OPRM1: variants seen among roughly 807,000 people sequenced by gnomAD.
OPRM1 encodes the protein opioid receptor mu 1, also known as mu-type opioid receptor.
A neutral mutation model predicts 31.8 loss-of-function variants in OPRM1; 27 were observed. That is an observed-to-expected ratio of 0.85 (90% CI 0.63 to 1.17). The LOEUF is 1.17. OPRM1 is among the 50% of genes most tolerant of loss of function. The pLI, the probability that OPRM1 is intolerant of heterozygous loss-of-function variation, is 0.00. For missense variants in OPRM1, 536 were observed against 511.1 expected (o/e 1.05, Z -0.47); for synonymous variants, 196 against 189.9 (o/e 1.03, Z -0.26).
Position 154,068,728 on chromosome 6 carries a change from G to C in OPRM1, c.291-21098G>C, listed in dbSNP as rs140737519. Among the ~76,000 whole-genome samples, 457 of 152,298 alleles carry C rather than the reference G, an allele frequency of 3.0e-3. 4 individuals carry two copies. The highest frequency in any genetic ancestry group is 0.01 in the African/African-American group (425 of 41,562). On this transcript the variant is annotated intron_variant, in intron 1 of 3. Coordinates refer to ENST00000330432, the MANE Select transcript of OPRM1 (RefSeq NM_000914.5). Reference sequence around the variant, plus strand: ...TCCCTTTGGATATATATACCTAGTAGTGAGATTGCTAGATCATATGTTAGT... The same window carrying C: ...TCCCTTTGGATATATATACCTAGTACTGAGATTGCTAGATCATATGTTAGT...
intron 3 of OPRM1, among the ~76,000 whole-genome samples, chr6:154,215,140 T>C (rs1256544591): frequency 2.0e-5 from 3 of 152,164 alleles, no homozygotes; most frequent in South Asian, 2.1e-4. Context: ...TTTGATGTCT[T>C]CCAGTCTCCC....
At chr6:154,214,610 T>C (rs1165642458) in intron 3 of OPRM1, among the ~76,000 whole-genome samples, 1 of 152,244 alleles carries the variant, frequency 6.6e-6, no homozygotes, top group Admixed American at 6.5e-5. Flanking sequence ...CCTTTATCAC[T>C]GGATTTAGTA....
Position 154,115,258 on chromosome 6 carries a change from A to C in OPRM1, c.1165-3425A>C, listed in dbSNP as rs111479099. Among the ~76,000 whole-genome samples, 1,004 of 152,268 alleles carry C rather than the reference A, an allele frequency of 6.6e-3. 6 individuals are homozygous for C. Among genetic ancestry groups the C allele is most frequent in the African/African-American group, 0.023 (959 of 41,580 alleles). Reference sequence around the variant, plus strand: ...GAGCATGGATATCAAAAAGAGACATAAGGCGGCGCAGTGGCTCAAGCTTGT... The same window carrying C: ...GAGCATGGATATCAAAAAGAGACATCAGGCGGCGCAGTGGCTCAAGCTTGT... On this transcript the variant is annotated intron_variant, in intron 3 of 3. Transcript: ENST00000330432.
In OPRM1 at chr6:154,062,235, T is replaced by G. The variant is rs114493174; in HGVS notation, c.290+22401T>G. ...AGAACATTTCAGAAGTAGTAGATGA[T>G]CCTGAAAAGTAATAAAGTATTGCAT... On this transcript the variant is annotated intron_variant, in intron 1 of 3. Transcript: ENST00000330432. 7.3e-3 allele frequency among the ~76,000 whole-genome samples: 1,116 copies of G among 152,240 alleles called. 19 individuals are homozygous for G. The highest frequency in any genetic ancestry group is 0.026 in the African/African-American group (1,065 of 41,542).
At chr6:154,152,131 C>T (rs1309492779) in intron 3 of OPRM1, among the ~76,000 whole-genome samples, 5 of 138,538 alleles carry the variant, frequency 3.6e-5, no homozygotes, top group African/African-American at 1.1e-4. Flanking sequence ...GAGCCAAGAT[C>T]GCGCCACTGC....
At chr6:154,037,142 A>G (rs1326471715), upstream of OPRM1, among the ~76,000 whole-genome samples, 3 of 152,044 alleles carry the variant, frequency 2.0e-5, no homozygotes, top group Non-Finnish European at 4.4e-5. Context: ...CTATAAATTT[A>G]TAGGAGATGA....
intron 3 of OPRM1, among the ~76,000 whole-genome samples, chr6:154,190,931 C>G (rs999037933): frequency 1.3e-5 from 2 of 152,090 alleles, no homozygotes; most frequent in Non-Finnish European, 2.9e-5. Context: ...TGGCAGGTAC[C>G]TATAGTCCCA....
At chr6:154,238,317 G>GC (rs1780300891) in intron 3 of OPRM1, among the ~76,000 whole-genome samples, 1 of 152,020 alleles carries the variant, frequency 6.6e-6, no homozygotes, top group African/African-American at 2.4e-5. Flanking sequence ...GTGCAATGGC[G>GC]CTGTCTCGGC....
At chr6:154,011,041 T>TA in intron 1 of OPRM1, 1 of 1,289,586 alleles carries the variant, frequency 7.8e-7, no homozygotes, top group South Asian at 1.2e-5. Flanking sequence ...TCATTTATTT[T>TA]GTTGAAGAAA....
exon 1 of OPRM1, chr6:154,010,560 G>T (rs1777672480): frequency 6.5e-7 from 1 of 1,545,672 alleles, no homozygotes. Flanking sequence ...AGCCCTCCAG[G>T]TTCATTTGGA....
chr6:154,148,501 A>T (rs1414510855), intron 3 of OPRM1, among the ~76,000 whole-genome samples: 1 of 152,214 alleles, frequency 6.6e-6, no homozygotes, highest in African/African-American at 2.4e-5. Context: ...TTCTCTGTTC[A>T]TGAGCCCATG....
intron 3 of OPRM1, among the ~76,000 whole-genome samples, chr6:154,151,817 C>T (rs941208882): frequency 4.6e-5 from 7 of 152,192 alleles, no homozygotes; most frequent in African/African-American, 1.4e-4. Context: ...ACTGGAAAAA[C>T]AAGCAGACTG....
At position 154,129,565 on chromosome 6, in the gene OPRM1, A is replaced by C. The variant is rs1482735717; in HGVS notation, c.*10844A>C. ...GTTTTAGTGCCCACTGTTACAGAAA[A>C]TCATAATGGAAAAACTAAAATGTCA... On this transcript the variant is annotated 3_prime_UTR_variant, in exon 4 of 4. Transcript: ENST00000330432. 6.6e-6 allele frequency among the ~76,000 whole-genome samples: 1 copy of C among 152,222 alleles called. No homozygotes were observed. The highest frequency in any genetic ancestry group is 1.5e-5 in the Non-Finnish European group (1 of 68,032).
At chr6:154,023,740 G>T (rs888463210) in intron 1 of OPRM1, among the ~76,000 whole-genome samples, 1 of 152,008 alleles carries the variant, frequency 6.6e-6, no homozygotes, top group Non-Finnish European at 1.5e-5. Context: ...CCAGTTTTTT[G>T]AGGGTTTTTA....
chr6:154,206,977 T>C (rs1777549863), intron 3 of OPRM1, among the ~76,000 whole-genome samples: 1 of 152,202 alleles, frequency 6.6e-6, no homozygotes, highest in African/African-American at 2.4e-5. Context: ...GCAATGAGAA[T>C]TCACTGGAAG....
rs147683394 is a variant in OPRM1 at position 154,196,254 on chromosome 6, T to C, written c.1165-50439T>C. 4.3e-3 allele frequency among the ~76,000 whole-genome samples: 655 copies of C among 152,310 alleles called. 1 individual carries two copies. The highest frequency in any genetic ancestry group is 0.013 in the African/African-American group (547 of 41,562). On this transcript the variant is annotated intron_variant, in intron 3 of 3. Coordinates refer to the OPRM1 transcript ENST00000337049. ...CTTCCTGAGGAGGCATACTGCATGA[T>C]TCCAACAGCAACTCTCAAAGTAGCT...
intron 1 of OPRM1, among the ~76,000 whole-genome samples, chr6:154,056,033 G>A (rs1454421761): frequency 2.0e-5 from 3 of 152,214 alleles, no homozygotes; most frequent in Non-Finnish European, 2.9e-5. Context: ...TCCCTATAAA[G>A]AGTCATCCTG....
intron 3 of OPRM1, among the ~76,000 whole-genome samples, chr6:154,227,954 G>A (rs910290627): frequency 6.1e-5 from 9 of 148,456 alleles, no homozygotes; most frequent in African/African-American, 2.2e-4. Flanking sequence ...CAGATAATTT[G>A]TGTCAAAAAA....
chr6:154,089,734 T>C (rs1791579179), intron 1 of OPRM1, 92 bp from the exon 2 acceptor site: 2 of 866,336 alleles, frequency 2.3e-6, no homozygotes, highest in Non-Finnish European at 3.6e-6. Flanking sequence ...AAAAGCTTTC[T>C]ACTAATTCAT....
Sources: gnomAD v4.1 joint callset for allele counts (sites outside exome capture counted in the v4.1 genomes callset) on GRCh38, gnomAD v4.1.1 for gene constraint, MANE v1.5 for transcripts, NCBI Gene and HGNC (gene_info 2026-07-23, HGNC 2026-07-21) for gene names.